Variants in SMURF1 observed in about 807,000 individuals in gnomAD.
SMURF1 encodes the protein E3 ubiquitin-protein ligase SMURF1.
Under a neutral mutation model 98.0 loss-of-function variants are expected in SMURF1, and 44 were observed. That is an observed-to-expected ratio of 0.45 (90% CI 0.35 to 0.58). The LOEUF is 0.58. SMURF1 is among the 20% of genes least tolerant of loss of function. The probability of loss-of-function intolerance (pLI) is 0.00; values close to 1 mark genes in which losing one functional copy is unlikely to be tolerated. For missense variants in SMURF1, 687 were observed against 938.4 expected, an observed-to-expected ratio of 0.73 and a Z score of 3.50; for synonymous variants, 396 against 374.9, an observed-to-expected ratio of 1.06 and a Z score of -0.65.
At chr7:99,096,389 T>C (rs1796957107) in intron 1 of SMURF1, among the ~76,000 whole-genome samples, 1 of 152,146 alleles carries the variant, frequency 6.6e-6, no homozygotes, top group Non-Finnish European at 1.5e-5. Context: ...ACACAGAGTC[T>C]CAGAACATAA....
intron 1 of SMURF1, among the ~76,000 whole-genome samples, chr7:99,116,178 A>T (rs1797446046): frequency 6.6e-6 from 1 of 152,230 alleles, no homozygotes; most frequent in African/African-American, 2.4e-5. Flanking sequence ...TAAAGGGGGA[A>T]AACCACAATA....
At chr7:99,130,135 C>G (rs1797839168) in intron 1 of SMURF1, among the ~76,000 whole-genome samples, 1 of 152,172 alleles carries the variant, frequency 6.6e-6, no homozygotes, top group South Asian at 2.1e-4. Flanking sequence ...TTCCTATAAT[C>G]TGTACCTGAA....
In SMURF1 at chr7:99,052,275, C is replaced by T; in HGVS notation, c.651G>A (p.Val217=). The change falls in exon 7 of 18, where the codon GTG becomes GTA. Residue 217 remains valine (V), a synonymous_variant. Transcript: ENST00000361368. ...TCTGGGGCGTCTGTAGTGAACCTCG[C>T]ACATCAGGGTTTCGAAGCCGCTGTG... ...LQAQRLRNPD[V]RGSLQTPQNR... 1 of 1,611,458 alleles carries T rather than the reference C, an allele frequency of 6.2e-7. No homozygotes were observed. Among genetic ancestry groups the T allele is most frequent in the Non-Finnish European group, 8.5e-7 (1 of 1,178,712 alleles).
intron 1 of SMURF1, among the ~76,000 whole-genome samples, chr7:99,082,964 C>T (rs1796601838): frequency 6.6e-6 from 1 of 152,004 alleles, no homozygotes; most frequent in African/African-American, 2.4e-5. Flanking sequence ...GAATTTACTC[C>T]TATTAATGCT....
Position 99,051,410 on chromosome 7 carries a change from G to A in SMURF1, c.753C>T (p.Tyr251=). The change falls in exon 8 of 18, where the codon TAC becomes TAT. Residue 251 remains tyrosine, a synonymous_variant. Coordinates refer to ENST00000361368, the MANE Select transcript of SMURF1 (RefSeq NM_181349.3). ...TAACTCCAGTCTGTGTATGCAAAAA[G>A]TAAACTTGGCCCTGGACTGTTGTTC... ...EQRTTVQGQV[Y]FLHTQTGVST... 6 of 1,614,140 alleles carry A rather than the reference G, an allele frequency of 3.7e-6. No homozygotes were observed. The highest frequency in any genetic ancestry group is 5.1e-6 in the Non-Finnish European group (6 of 1,180,024).
chr7:99,112,285 G>T (rs896759886), intron 1 of SMURF1, among the ~76,000 whole-genome samples: 2 of 152,180 alleles, frequency 1.3e-5, no homozygotes, highest in Non-Finnish European at 2.9e-5. Flanking sequence ...CCTTGAAGGC[G>T]TGCCTCACAA....
intron 1 of SMURF1, among the ~76,000 whole-genome samples, chr7:99,125,807 G>C (rs1002426042): frequency 2.0e-5 from 3 of 152,152 alleles, no homozygotes; most frequent in Non-Finnish European, 4.4e-5. Context: ...TTTCTACCCA[G>C]CAGGCCTATA....
At chr7:99,052,551 GCTTTC>G (rs1795785733) in intron 6 of SMURF1, 105 bp from the exon 7 acceptor site, 3 of 1,248,342 alleles carry the variant, frequency 2.4e-6, no homozygotes, top group Non-Finnish European at 3.1e-6. Flanking sequence ...AAATTGATTT[GCTTTC>G]CTTTAACAAC....
At chr7:99,033,441 A>G (rs1794996348) in intron 16 of SMURF1, among the ~76,000 whole-genome samples, 1 of 152,176 alleles carries the variant, frequency 6.6e-6, no homozygotes, top group Admixed American at 6.5e-5. Context: ...AGTAGCTGGG[A>G]TAACAGGTAC....
At chr7:99,103,300 T>G (rs1423405621) in intron 1 of SMURF1, among the ~76,000 whole-genome samples, 2 of 152,160 alleles carry the variant, frequency 1.3e-5, no homozygotes, top group East Asian at 3.8e-4. Context: ...GTGGCCCTTT[T>G]CCTAAGCCTC....
intron 13 of SMURF1, 79 bp downstream of exon 13, chr7:99,040,293 ACGCGCG>A (rs3033104): frequency 8.1e-4 from 1,004 of 1,240,856 alleles, no homozygotes; most frequent in Middle Eastern, 1.0e-3. Context: ...ATACACACAC[ACGCGCG>A]CGCGCGCGCA....
At chr7:99,123,395 T>G (rs1387458458) in intron 1 of SMURF1, among the ~76,000 whole-genome samples, 1 of 152,048 alleles carries the variant, frequency 6.6e-6, no homozygotes, top group African/African-American at 2.4e-5. Flanking sequence ...TAGCCGGGCA[T>G]GGTAGTGCAC....
chr7:99,083,013 TA>T (rs1220990305), intron 1 of SMURF1, among the ~76,000 whole-genome samples: 3 of 152,214 alleles, frequency 2.0e-5, no homozygotes, highest in African/African-American at 7.2e-5. Context: ...AAAATTTTTT[TA>T]TTTTCAGTAG....
intron 16 of SMURF1, 93 bp from the exon 17 acceptor site, chr7:99,033,214 T>G: frequency 3.2e-6 from 4 of 1,240,374 alleles, no homozygotes; most frequent in Non-Finnish European, 3.4e-6. Context: ...CCTGACCACA[T>G]TCCCACCCCC....
intron 12 of SMURF1, among the ~76,000 whole-genome samples, chr7:99,040,798 A>G (rs900029382): frequency 6.6e-6 from 1 of 152,224 alleles, no homozygotes; most frequent in African/African-American, 2.4e-5. Context: ...CAGAAGGGCC[A>G]TATAACTGGC....
intron 1 of SMURF1, among the ~76,000 whole-genome samples, chr7:99,118,967 C>A (rs1441686329): frequency 2.8e-5 from 4 of 141,154 alleles, no homozygotes; most frequent in African/African-American, 2.7e-5. Context: ...CTCAAGCGAT[C>A]GTCCCATCTC....
intron 11 of SMURF1, among the ~76,000 whole-genome samples, chr7:99,044,239 G>T (rs1795496571): frequency 6.6e-6 from 1 of 152,168 alleles, no homozygotes; most frequent in Admixed American, 6.5e-5. Flanking sequence ...TTGAACCTGG[G>T]AGGTGGAGGT....
chr7:99,110,433 A>C (rs1016249196), intron 1 of SMURF1, among the ~76,000 whole-genome samples: 1 of 152,192 alleles, frequency 6.6e-6, no homozygotes, highest in Non-Finnish European at 1.5e-5. Flanking sequence ...AGAATCAGGG[A>C]ACTAGATATC....
intron 1 of SMURF1, among the ~76,000 whole-genome samples, chr7:99,126,093 G>A (rs919113210): frequency 2.0e-5 from 3 of 152,260 alleles, no homozygotes; most frequent in East Asian, 1.9e-4. Context: ...TGTTTCTAGC[G>A]AATGTACCAT....
Sources: allele counts gnomAD v4.1 joint callset (sites outside exome capture counted in the v4.1 genomes callset), GRCh38; gene constraint gnomAD v4.1.1; transcripts MANE v1.5; gene names NCBI Gene and HGNC (gene_info 2026-07-23, HGNC 2026-07-21).